CACNB2: variants seen among roughly 807,000 people sequenced by gnomAD.
The protein encoded by CACNB2 is calcium voltage-gated channel auxiliary subunit beta 2.
In CACNB2, 42 loss-of-function variants were observed where a neutral mutation model predicts 73.3. The observed-to-expected ratio is 0.57, with a 90% CI of 0.45 to 0.74. The LOEUF (loss-of-function observed/expected upper bound fraction) is 0.74. Ranked by LOEUF, CACNB2 falls within the 30% of genes least tolerant of loss-of-function variation. The pLI, the probability that CACNB2 is intolerant of heterozygous loss-of-function variation, is 0.00. For synonymous variants in CACNB2, 348 were observed against 310.3 expected, an observed-to-expected ratio of 1.12 and a Z score of -1.28; for missense variants, 940 against 853.0, an observed-to-expected ratio of 1.10 and a Z score of -1.27.
At chr10:18,284,960 A>G (rs1291218302) in intron 2 of CACNB2, among the ~76,000 whole-genome samples, 1 of 152,078 alleles carries the variant, frequency 6.6e-6, no homozygotes, top group East Asian at 1.9e-4. Context: ...GAACATAAGA[A>G]ATTCAATGGG....
intron 2 of CACNB2, among the ~76,000 whole-genome samples, chr10:18,247,513 G>A (rs2036914503): frequency 6.6e-6 from 1 of 152,022 alleles, no homozygotes; most frequent in Non-Finnish European, 1.5e-5. Flanking sequence ...GATTGTCAGG[G>A]TTGCCAAATA....
intron 9 of CACNB2, chr10:18,520,029 A>G (rs1318466381): frequency 3.5e-6 from 1 of 288,568 alleles, no homozygotes. Context: ...ATCAACTGGA[A>G]ATCTTGGACA....
intron 2 of CACNB2, among the ~76,000 whole-genome samples, chr10:18,168,893 TTG>T (rs1367859946): frequency 6.6e-6 from 1 of 152,208 alleles, no homozygotes; most frequent in African/African-American, 2.4e-5. Flanking sequence ...TGATTAAGGC[TTG>T]TGTTTCCCTG....
At chr10:18,145,428 A>G (rs1472365149) in intron 1 of CACNB2, among the ~76,000 whole-genome samples, 1 of 151,132 alleles carries the variant, frequency 6.6e-6, no homozygotes. Context: ...TTTTTTTCTA[A>G]TGTGACATGG....
intron 2 of CACNB2, among the ~76,000 whole-genome samples, chr10:18,292,120 G>A (rs79845832): frequency 0.024 from 3,712 of 152,268 alleles, 74 homozygotes; most frequent in Middle Eastern, 0.055. Flanking sequence ...TGTTTGTGTT[G>A]AGTAAAGATT....
At chr10:18,234,809 T>A (rs78281340) in intron 2 of CACNB2, among the ~76,000 whole-genome samples, 1 of 152,226 alleles carries the variant, frequency 6.6e-6, no homozygotes, top group African/African-American at 2.4e-5. Flanking sequence ...GATTGCACTA[T>A]GATGTGAATG....
At chr10:18,330,656 T>C (rs1399332682) in intron 2 of CACNB2, among the ~76,000 whole-genome samples, 3 of 152,118 alleles carry the variant, frequency 2.0e-5, no homozygotes, top group African/African-American at 7.2e-5. Flanking sequence ...TAACTAAAGG[T>C]TAAAATTAAA....
At position 18,140,930 on chromosome 10, in the gene CACNB2, G is replaced by A. The variant is rs185370055; in HGVS notation, c.120+74G>A. ...GGCACCGACCTCGGGTTCTCCCGGC[G>A]CCTCCACTGCAGGGATCTCTAGCCT... On this transcript the variant is annotated intron_variant, in intron 1 of 13. Transcript: ENST00000324631. 3.2e-4 allele frequency: 496 copies of A among 1,541,622 alleles called. 4 individuals are homozygous for A. The East Asian group carries it at 0.012, about 36-fold the overall frequency.
In CACNB2 at chr10:18,398,687, AC is replaced by A. The variant is rs1355440131; in HGVS notation, c.214-3236del. On this transcript the variant is annotated intron_variant, in intron 2 of 13. Transcript: ENST00000324631. ...GACTGTCACACACACACACACACAC[AC>A]ACATACACACACACACACACACACA... is the stretch of plus-strand genomic sequence containing the variant. Among the ~76,000 whole-genome samples, 3 of 74,074 alleles carry A rather than the reference AC, an allele frequency of 4.1e-5. No homozygotes were observed. The East Asian group carries it at 7.6e-4, about 19-fold the overall frequency. The allele number at this position is 74,074 out of a possible 152,430, so 48.6% of individuals were successfully genotyped here. A position where few individuals can be genotyped will look rare whatever the true frequency, so the allele number is the denominator to read the frequency against.
intron 2 of CACNB2, among the ~76,000 whole-genome samples, chr10:18,399,250 C>G (rs2043868353): frequency 6.6e-6 from 1 of 152,006 alleles, no homozygotes; most frequent in African/African-American, 2.4e-5. Context: ...TATAAGAAGC[C>G]CTCTAGGAAG....
intron 3 of CACNB2, among the ~76,000 whole-genome samples, chr10:18,466,125 C>T (rs114190754): frequency 1.3e-3 from 191 of 152,296 alleles, no homozygotes; most frequent in African/African-American, 4.1e-3. Flanking sequence ...ATTCCAGTTA[C>T]GGTGCACGAA....
chr10:18,511,082 T>A (rs2050750969), intron 6 of CACNB2, among the ~76,000 whole-genome samples: 2 of 152,186 alleles, frequency 1.3e-5, no homozygotes, highest in Non-Finnish European at 2.9e-5. Flanking sequence ...CAGCACTGGA[T>A]AAAGCCCTAG....
intron 3 of CACNB2, among the ~76,000 whole-genome samples, chr10:18,432,207 A>G (rs1202047189): frequency 6.6e-6 from 1 of 152,232 alleles, no homozygotes; most frequent in Non-Finnish European, 1.5e-5. Context: ...CTTGACTTGT[A>G]GCTAGCCTCA....
intron 2 of CACNB2, among the ~76,000 whole-genome samples, chr10:18,240,185 C>T (rs1306366580): frequency 1.3e-5 from 2 of 152,136 alleles, no homozygotes; most frequent in Admixed American, 6.5e-5. Flanking sequence ...AGAGAAATGC[C>T]TAAAAACACA....
At chr10:18,152,346 C>G (rs1477691254) in intron 2 of CACNB2, among the ~76,000 whole-genome samples, 1 of 152,030 alleles carries the variant, frequency 6.6e-6, no homozygotes, top group South Asian at 2.1e-4. Flanking sequence ...AAAAGAGTTA[C>G]TTAAGAAGGG....
chr10:18,297,487 G>T (rs1405502503), intron 2 of CACNB2, among the ~76,000 whole-genome samples: 1 of 152,222 alleles, frequency 6.6e-6, no homozygotes, highest in Non-Finnish European at 1.5e-5. Flanking sequence ...GAGCCCAGAA[G>T]TTGGAGGCTG....
At chr10:18,316,985 A>G (rs2040211294) in intron 2 of CACNB2, among the ~76,000 whole-genome samples, 1 of 152,124 alleles carries the variant, frequency 6.6e-6, no homozygotes, top group African/African-American at 2.4e-5. Flanking sequence ...AGCTCCTATT[A>G]CAAGAAGAAA....
intron 3 of CACNB2, among the ~76,000 whole-genome samples, chr10:18,430,758 A>C (rs537365870): frequency 6.6e-6 from 1 of 152,216 alleles, no homozygotes; most frequent in South Asian, 2.1e-4. Flanking sequence ...AGAAACTATT[A>C]AGAGGGGTAG....
In CACNB2 at chr10:18,541,872, AAAAAAAC is replaced by A. The variant is rs1055709314; in HGVS notation, c.*2162_*2168del. ...GTGAGACTCCATCTCCAAAAAAGAA[AAAAAAAC>A]AAAAAACAAAAAAAACTATCCAGCA... On this transcript the variant is annotated 3_prime_UTR_variant, in exon 14 of 14. Transcript: ENST00000324631. 5.3e-5 allele frequency: 8 copies of A among 152,058 alleles called. No individual in the cohort carries two copies. The highest frequency in any genetic ancestry group is 1.0e-4 in the Non-Finnish European group (7 of 68,016). The allele number at this position is 152,058 out of a possible 1,614,324, so 9.4% of individuals were successfully genotyped here.
Sources: gnomAD v4.1 joint callset for allele counts (sites outside exome capture counted in the v4.1 genomes callset) on GRCh38, gnomAD v4.1.1 for gene constraint, MANE v1.5 for transcripts, NCBI Gene and HGNC (gene_info 2026-07-23, HGNC 2026-07-21) for gene names.